The following RSPH9 variants were observed in gnomAD, a reference collection of about 807,000 sequenced individuals.
The protein encoded by RSPH9 is radial spoke head protein 9 homolog.
In RSPH9, 27 loss-of-function variants were observed where a neutral mutation model predicts 27.0. That is an observed-to-expected ratio of 1.00 (90% CI 0.74 to 1.38). RSPH9 has a LOEUF of 1.38. RSPH9 is among the 40% of genes most tolerant of loss of function. The pLI, the probability that RSPH9 is intolerant of heterozygous loss-of-function variation, is 0.00. For synonymous variants in RSPH9, 145 were observed against 147.7 expected, an observed-to-expected ratio of 0.98 and a Z score of 0.13; for missense variants, 347 against 357.4, an observed-to-expected ratio of 0.97 and a Z score of 0.24.
chr6:43,649,859 T>G (rs1274176550), intron 1 of RSPH9, among the ~76,000 whole-genome samples: 2 of 152,180 alleles, frequency 1.3e-5, no homozygotes, highest in South Asian at 4.1e-4. Flanking sequence ...CTCATTTAAT[T>G]TCAGCATACA....
At position 43,668,409 on chromosome 6, in the gene RSPH9, G is replaced by A. The variant is rs573764230; in HGVS notation, c.671-2380G>A. ...TGTTTTCTGGCTGGCCCTACATGCC[G>A]CTACCGTACTCCACCAGCACCCTCC... On this transcript the variant is annotated intron_variant, in intron 4 of 4. Transcript: ENST00000372163. Among the ~76,000 whole-genome samples, 15 of 152,214 alleles carry A rather than the reference G, an allele frequency of 9.9e-5. No individual in the cohort carries two copies. The South Asian group carries it at 2.3e-3, about 23-fold the overall frequency.
intron 4 of RSPH9, among the ~76,000 whole-genome samples, chr6:43,668,393 G>T (rs1773365036): frequency 6.6e-6 from 1 of 152,084 alleles, no homozygotes; most frequent in South Asian, 2.1e-4. Flanking sequence ...CTGTTTTCTG[G>T]CTGGCCCTAC....
intron 1 of RSPH9, among the ~76,000 whole-genome samples, chr6:43,648,330 C>G (rs1018130028): frequency 6.6e-6 from 1 of 152,128 alleles, no homozygotes; most frequent in South Asian, 2.1e-4. Flanking sequence ...CAGGGATAGC[C>G]TCTTTGATAA....
intron 4 of RSPH9, chr6:43,666,517 T>C (rs1324171320): frequency 1.9e-6 from 3 of 1,545,784 alleles, no homozygotes; most frequent in South Asian, 1.2e-5. Flanking sequence ...TCTGTGTCCA[T>C]GAGGTAGGCC....
intron 1 of RSPH9, among the ~76,000 whole-genome samples, chr6:43,646,888 G>A (rs1243053236): frequency 1.3e-5 from 2 of 151,340 alleles, no homozygotes; most frequent in South Asian, 4.2e-4. Context: ...TCTGGGAGGC[G>A]GAGGTTGCAG....
At chr6:43,645,665 G>T (rs1770780409) in intron 1 of RSPH9, among the ~76,000 whole-genome samples, 1 of 151,770 alleles carries the variant, frequency 6.6e-6, no homozygotes, top group Admixed American at 6.6e-5. Flanking sequence ...ATGCGGATGG[G>T]TTTATAAGAG....
At chr6:43,651,480 T>C (rs963943149) in intron 2 of RSPH9, among the ~76,000 whole-genome samples, 4 of 152,152 alleles carry the variant, frequency 2.6e-5, no homozygotes, top group African/African-American at 9.7e-5. Context: ...ATAGTAAAGT[T>C]TCCTCCCATC....
rs566804409 is a variant in RSPH9, at chr6:43,670,815, G to A, written c.697G>A (p.Gly233Ser). 6.2e-7 allele frequency: 1 copy of A among 1,614,184 alleles called. No homozygotes were observed. Among genetic ancestry groups the A allele is most frequent in the South Asian group, 1.1e-5 (1 of 91,086 alleles). The change falls in exon 5 of 5, where the codon GGC (glycine) becomes AGC (serine). Residue 233 changes from glycine (G) to serine (S), a missense_variant. Gly to Ser is a moderately conservative substitution (Grantham distance 56, BLOSUM62 0). Coordinates refer to ENST00000372163, the MANE Select transcript of RSPH9 (RefSeq NM_152732.5). ...KGSWSIQMER[G>S]NALVVLRSLL... ...GTCCTGGAGCATCCAGATGGAGAGG[G>A]GCAATGCCCTGGTGGTGCTGCGCAG...
rs552165516 is a variant in RSPH9, at chr6:43,651,942, T to C, written c.393+1402T>C. 7.2e-5 allele frequency among the ~76,000 whole-genome samples: 11 copies of C among 152,264 alleles called. No individual in the cohort carries two copies. In the South Asian group the frequency reaches 2.3e-3, roughly 32 times the overall value. ...TCCAAGTAGAGTCTGGATCAGAAGC[T>C]TCACCATGTCCTAAGAGTTAGAAAT... On this transcript the variant is annotated intron_variant, in intron 2 of 4. Coordinates refer to ENST00000372163, the MANE Select transcript of RSPH9 (RefSeq NM_152732.5).
At chr6:43,669,856 G>T (rs1773537171) in intron 4 of RSPH9, among the ~76,000 whole-genome samples, 1 of 152,220 alleles carries the variant, frequency 6.6e-6, no homozygotes, top group South Asian at 2.1e-4. Flanking sequence ...GCTCCTGTGT[G>T]GGGAGACAAA....
intron 1 of RSPH9, among the ~76,000 whole-genome samples, chr6:43,646,117 G>T (rs992070726): frequency 3.3e-5 from 5 of 150,858 alleles, no homozygotes; most frequent in Non-Finnish European, 5.9e-5. Flanking sequence ...ACCACACCTG[G>T]CTATTTATTT....
intron 1 of RSPH9, among the ~76,000 whole-genome samples, chr6:43,649,026 GA>G (rs1251987217): frequency 6.6e-6 from 1 of 152,090 alleles, no homozygotes; most frequent in African/African-American, 2.4e-5. Context: ...GAGTGAAAAG[GA>G]AGGGGAGGAA....
rs11314414 is a variant in RSPH9, at chr6:43,646,968, GAA to G, written c.227+1653_227+1654del. Among the ~76,000 whole-genome samples the G allele has an allele frequency of 1.4e-3, 194 of 135,632 alleles. 3 individuals are homozygous for G. Among genetic ancestry groups the G allele is most frequent in the African/African-American group, 4.8e-3 (179 of 37,240 alleles). The allele number at this position is 135,632 out of a possible 152,430, so 89.0% of individuals were successfully genotyped here. A position where few individuals can be genotyped will look rare whatever the true frequency, so the allele number is the denominator to read the frequency against. On this transcript the variant is annotated intron_variant, in intron 1 of 4. Transcript: ENST00000372163. ...AGACTCCGTCTCAAAAAAAAAAAAA[GAA>G]AAAAAAAAAGGAAAATTTGCAGGGC...
rs550503506 is a variant in RSPH9, at chr6:43,664,775, G to A, written c.671-6014G>A. On this transcript the variant is annotated intron_variant, in intron 4 of 4. Transcript: ENST00000372163. Reference sequence around the variant, plus strand: ...TATGAAGAGGGTCTATAGGGGTTGGGGCATTTCTCGCCCATCAGACATACT... The same window carrying A: ...TATGAAGAGGGTCTATAGGGGTTGGAGCATTTCTCGCCCATCAGACATACT... Among the ~76,000 whole-genome samples, 4 of 152,304 alleles carry A rather than the reference G, an allele frequency of 2.6e-5. No homozygotes were observed. The East Asian group carries it at 5.8e-4, about 22-fold the overall frequency.
intron 4 of RSPH9, among the ~76,000 whole-genome samples, chr6:43,661,175 G>T (rs1401220316): frequency 6.6e-6 from 1 of 152,172 alleles, no homozygotes; most frequent in Non-Finnish European, 1.5e-5. Flanking sequence ...GTCATCCAGG[G>T]TTTGTTGTTC....
chr6:43,650,925 G>GA (rs1012216289), intron 2 of RSPH9, among the ~76,000 whole-genome samples: 3 of 144,806 alleles, frequency 2.1e-5, no homozygotes, highest in African/African-American at 7.8e-5. Flanking sequence ...AAAAAGAAAA[G>GA]AAAAAAAAGA....
intron 4 of RSPH9, among the ~76,000 whole-genome samples, chr6:43,660,455 T>TA (rs1290394367): frequency 6.6e-6 from 1 of 151,886 alleles, no homozygotes; most frequent in African/African-American, 2.4e-5. Context: ...GCATATTCTT[T>TA]TTTATTTATT....
intron 4 of RSPH9, among the ~76,000 whole-genome samples, chr6:43,665,855 G>A (rs1773083808): frequency 6.6e-6 from 1 of 151,516 alleles, no homozygotes; most frequent in Admixed American, 6.6e-5. Context: ...GTCTCACTCT[G>A]TTGCCCTGGC....
chr6:43,668,507 C>T (rs1269178722), intron 4 of RSPH9, among the ~76,000 whole-genome samples: 1 of 152,164 alleles, frequency 6.6e-6, no homozygotes, highest in East Asian at 1.9e-4. Flanking sequence ...TTTCTCCTTG[C>T]TCTCTGGGTA....
Sources: gnomAD v4.1 joint callset for allele counts (sites outside exome capture counted in the v4.1 genomes callset) on GRCh38, gnomAD v4.1.1 for gene constraint, MANE v1.5 for transcripts, NCBI Gene and HGNC (gene_info 2026-07-23, HGNC 2026-07-21) for gene names.